TTC27: variants seen among roughly 807,000 people sequenced by gnomAD.
TTC27 encodes tetratricopeptide repeat domain 27, also known as tetratricopeptide repeat protein 27.
A neutral mutation model predicts 115.9 loss-of-function variants in TTC27; 79 were observed. The observed-to-expected ratio is 0.68, with a 90% confidence interval of 0.57 to 0.82. The LOEUF (loss-of-function observed/expected upper bound fraction) is 0.82, where lower values mean the gene tolerates loss of function less well. Among genes scored for constraint, TTC27 ranks in the 40% least tolerant of loss-of-function variants. The probability of loss-of-function intolerance (pLI) is 0.00; values close to 1 mark genes in which losing one functional copy is unlikely to be tolerated. For synonymous variants in TTC27, 401 were observed against 356.0 expected (o/e 1.13, Z -1.42); for missense variants, 1,054 against 993.1 (o/e 1.06, Z -0.82).
intron 9 of TTC27, among the ~76,000 whole-genome samples, chr2:32,692,067 A>G: frequency 4.1e-5 from 1 of 24,526 alleles, no homozygotes; most frequent in Non-Finnish European, 9.2e-5. Context: ...TTTTTTGTAG[A>G]GACAGGTCTC....
chr2:32,651,214 A>G (rs1359460446), intron 5 of TTC27, among the ~76,000 whole-genome samples: 2 of 152,208 alleles, frequency 1.3e-5, no homozygotes, highest in African/African-American at 4.8e-5. Flanking sequence ...GAGGAGTGGT[A>G]GTTAGCATCA....
intron 13 of TTC27, among the ~76,000 whole-genome samples, chr2:32,762,686 T>G (rs938382569): frequency 1.3e-5 from 2 of 151,738 alleles, no homozygotes; most frequent in African/African-American, 2.4e-5. Context: ...CAGGCTGGAG[T>G]GCAGTGGCGC....
At chr2:32,790,486 T>C (rs72862729) in intron 16 of TTC27, among the ~76,000 whole-genome samples, 3,494 of 152,308 alleles carry the variant, frequency 0.023, 125 homozygotes, top group African/African-American at 0.077. Context: ...TGGAGTACCA[T>C]GTGATGTTTT....
intron 18 of TTC27, among the ~76,000 whole-genome samples, chr2:32,813,638 T>C (rs1671388827): frequency 1.3e-5 from 2 of 152,164 alleles, no homozygotes; most frequent in African/African-American, 4.8e-5. Flanking sequence ...ACTTGAGCTA[T>C]AGATGATAAG....
chr2:32,706,849 C>T (rs1296029377), intron 10 of TTC27, among the ~76,000 whole-genome samples: 1 of 152,224 alleles, frequency 6.6e-6, no homozygotes, highest in Non-Finnish European at 1.5e-5. Context: ...AGGCGTGAGC[C>T]ACTGCGCCTG....
intron 9 of TTC27, among the ~76,000 whole-genome samples, chr2:32,694,746 C>T (rs1666927553): frequency 6.7e-6 from 1 of 149,970 alleles, no homozygotes; most frequent in South Asian, 2.1e-4. Flanking sequence ...GAACACAGCT[C>T]ACTGCAGCCT....
At chr2:32,722,901 A>G (rs1361560283) in intron 10 of TTC27, among the ~76,000 whole-genome samples, 1 of 152,214 alleles carries the variant, frequency 6.6e-6, no homozygotes, top group African/African-American at 2.4e-5. Context: ...GATAAGGCCA[A>G]GAAAGGGGGC....
intron 18 of TTC27, among the ~76,000 whole-genome samples, chr2:32,815,359 C>T (rs1671467161): frequency 2.6e-5 from 4 of 150,974 alleles, no homozygotes; most frequent in Admixed American, 2.0e-4. Flanking sequence ...GCCTCAGCCT[C>T]CCAAGCCAGC....
At chr2:32,666,376 T>A (rs922811707) in intron 6 of TTC27, among the ~76,000 whole-genome samples, 3 of 150,974 alleles carry the variant, frequency 2.0e-5, no homozygotes, top group East Asian at 3.9e-4. Context: ...TTTTTTTTTT[T>A]AAAGGGTGGT....
At chr2:32,786,385 C>CA (rs1670348704) in intron 15 of TTC27, among the ~76,000 whole-genome samples, 2 of 152,082 alleles carry the variant, frequency 1.3e-5, no homozygotes, top group South Asian at 4.1e-4. Context: ...GTGATCCACC[C>CA]ACCTCAGCCA....
Position 32,772,360 on chromosome 2 carries a change from T to A in TTC27, c.1681-5522T>A, listed in dbSNP as rs1164281411. Among the ~76,000 whole-genome samples the A allele has an allele frequency of 2.6e-5, 4 of 152,182 alleles. No individual in the cohort carries two copies. The East Asian group carries it at 7.7e-4, about 29-fold the overall frequency. ...TTCTAAGGTCTCTAATTGAATTGATTCCCTTCCAGTTCTTCAAACCTGCTA... is the reference window on the plus strand; with the variant it reads ...TTCTAAGGTCTCTAATTGAATTGATACCCTTCCAGTTCTTCAAACCTGCTA... On this transcript the variant is annotated intron_variant, in intron 13 of 19. Coordinates refer to ENST00000317907, the MANE Select transcript of TTC27 (RefSeq NM_017735.5).
chr2:32,726,957 C>T (rs200852355), intron 10 of TTC27, among the ~76,000 whole-genome samples: 1 of 152,136 alleles, frequency 6.6e-6, no homozygotes, highest in East Asian at 1.9e-4. Context: ...CTTTATAAAA[C>T]CATAAGATCC....
intron 10 of TTC27, among the ~76,000 whole-genome samples, chr2:32,709,114 T>C (rs1054492552): frequency 2.6e-5 from 4 of 152,150 alleles, no homozygotes; most frequent in African/African-American, 9.7e-5. Flanking sequence ...ATGATAAACA[T>C]TGATGAATGA....
At chr2:32,675,348 A>G (rs929448379) in intron 8 of TTC27, among the ~76,000 whole-genome samples, 1 of 152,218 alleles carries the variant, frequency 6.6e-6, no homozygotes. Flanking sequence ...ATGTATTCCC[A>G]GGCATTATGT....
rs368461981 is a variant in TTC27, at chr2:32,728,741, T to C, written c.1234-5087T>C. On this transcript the variant is annotated intron_variant, in intron 10 of 19. Coordinates refer to ENST00000317907, the MANE Select transcript of TTC27 (RefSeq NM_017735.5). ...TATCTCTCACAGCAACAGTGTTCTA[T>C]GTATGAGGAAAGACTGGGTTCACAA... Among the ~76,000 whole-genome samples the C allele has an allele frequency of 3.9e-5, 6 of 152,322 alleles. No individual in the cohort carries two copies. In the East Asian group the frequency reaches 1.2e-3, roughly 29 times the overall value.
chr2:32,748,890 G>A (rs1412841280), intron 12 of TTC27, among the ~76,000 whole-genome samples: 1 of 151,958 alleles, frequency 6.6e-6, no homozygotes, highest in African/African-American at 2.4e-5. Context: ...GTTTCACCAT[G>A]TTGGCCAGAC....
At chr2:32,738,990 T>C (rs76344534) in intron 12 of TTC27, among the ~76,000 whole-genome samples, 6,701 of 152,320 alleles carry the variant, frequency 0.044, 190 homozygotes, top group East Asian at 0.092. Context: ...GGCATTAGAT[T>C]ATAATTAAAA....
intron 10 of TTC27, among the ~76,000 whole-genome samples, chr2:32,708,664 C>G (rs925950491): frequency 2.2e-5 from 3 of 138,414 alleles, no homozygotes; most frequent in Non-Finnish European, 3.1e-5. Context: ...TTAAGCTTGT[C>G]CAACCCACCT....
chr2:32,640,493 T>C, intron 4 of TTC27, 83 bp downstream of exon 4: 1 of 1,384,518 alleles, frequency 7.2e-7, no homozygotes, highest in South Asian at 1.3e-5. Flanking sequence ...TTGCTGACAA[T>C]GTCTTGGTCT....
Sources: allele counts gnomAD v4.1 joint callset (sites outside exome capture counted in the v4.1 genomes callset), GRCh38; gene constraint gnomAD v4.1.1; transcripts MANE v1.5; gene names NCBI Gene and HGNC (gene_info 2026-07-23, HGNC 2026-07-21).